The following PCDHB3 variants were observed in gnomAD, a reference collection of about 807,000 sequenced individuals.
PCDHB3 encodes protocadherin beta-3.
For missense variants in PCDHB3, 967 were observed against 1,012.1 expected, an observed-to-expected ratio of 0.96 and a Z score of 0.60; for synonymous variants, 479 against 456.0, an observed-to-expected ratio of 1.05 and a Z score of -0.64.
chr5:141,102,534 C>G lies in PCDHB3; in HGVS notation c.1885C>G (p.Leu629Val). 6.2e-7 allele frequency: 1 copy of G among 1,608,658 alleles called. No homozygotes were observed. The highest frequency in any genetic ancestry group is 8.5e-7 in the Non-Finnish European group (1 of 1,179,632). The change falls in exon 1 of 1, where the codon CTG becomes GTG. Residue 629 changes from leucine to valine, a missense_variant. Leu to Val is a conservative substitution (Grantham distance 32). Coordinates refer to ENST00000231130, the MANE Select transcript of PCDHB3 (RefSeq NM_018937.5). ...AHNGEVRTAR[L>V]LSERDAAKHR... ...CAATGGCGAAGTGCGCACCGCCAGG[C>G]TGCTGAGCGAGCGCGACGCGGCCAA...
chr5:141,101,203 G>C lies in PCDHB3; in HGVS notation c.554G>C (p.Arg185Pro), dbSNP rs566780663. 1.8e-5 allele frequency: 29 copies of C among 1,614,036 alleles called. No homozygotes were observed. Among genetic ancestry groups the C allele is most frequent in the Non-Finnish European group, 1.4e-5 (17 of 1,180,050 alleles). ...NSHFHVLTRS[R>P]RDGRKYPELV... is the part of the protein sequence containing the mutation. The stretch of plus-strand genomic sequence containing the variant: ...CACTTCCACGTACTCACTCGCAGTC[G>C]TAGGGACGGAAGGAAGTACCCGGAA... The change falls in exon 1 of 1, where the codon CGT (arginine) becomes CCT (proline). Residue 185 changes from arginine (R) to proline (P), a missense_variant. Transcript: ENST00000231130.
chr5:141,101,780 C>T lies in PCDHB3; in HGVS notation c.1131C>T (p.Asp377=). 6.2e-7 allele frequency: 1 copy of T among 1,614,100 alleles called. No homozygotes were observed. The highest frequency in any genetic ancestry group is 2.2e-5 in the East Asian group (1 of 44,856). Residue 377 remains aspartate (D), a synonymous_variant, in exon 1 of 1, where the codon GAC becomes GAT. Coordinates refer to ENST00000231130, the MANE Select transcript of PCDHB3 (RefSeq NM_018937.5). ...GTGTTTCTGATCTAGACTCTGGAGA[C>T]AACGGAAGAGTGATGTGTTCCATTG... The part of the protein sequence containing the change: ...VFSVSDLDSG[D]NGRVMCSIEN...
chr5:141,102,389 T>G lies in PCDHB3; in HGVS notation c.1740T>G (p.Ala580=). 1 of 1,570,654 alleles carries G rather than the reference T, an allele frequency of 6.4e-7. No individual in the cohort carries two copies. Among genetic ancestry groups the G allele is most frequent in the Non-Finnish European group, 8.7e-7 (1 of 1,143,382 alleles). The change falls in exon 1 of 1, where the codon GCT becomes GCG. Residue 580 remains alanine (A), a synonymous_variant. Transcript: ENST00000231130. ...GCACCGAGCTGGTGCCCCGGGCGGC[T>G]GAGCCGGGCTACCTGGTGACCAAGG... The part of the protein sequence containing the change: ...APCTELVPRA[A]EPGYLVTKVV...
In PCDHB3 at chr5:141,101,472, G is replaced by A. The variant is rs74455004; in HGVS notation, c.823G>A (p.Gly275Arg). 1.1e-4 allele frequency: 177 copies of A among 1,614,016 alleles called. No homozygotes were observed. Among genetic ancestry groups the A allele is most frequent in the Non-Finnish European group, 1.4e-4 (170 of 1,180,020 alleles). The change falls in exon 1 of 1, where the codon GGG becomes AGG. Residue 275 changes from glycine (G) to arginine (R), a missense_variant. Physicochemically the swap from Gly to Arg is moderately radical, Grantham distance 125 (BLOSUM62 -2). Transcript: ENST00000231130. Reference protein sequence around the residue: ...SASDLDTGSFGTISYAFFHAS... With the variant: ...SASDLDTGSFRTISYAFFHAS... ...TTCTGACTTAGATACAGGAAGTTTT[G>A]GGACAATATCATATGCATTTTTTCA...
Position 141,103,158 on chromosome 5 carries a change from A to G in PCDHB3, c.*118A>G. On this transcript the variant is annotated 3_prime_UTR_variant, in exon 1 of 1. Coordinates refer to ENST00000231130, the MANE Select transcript of PCDHB3 (RefSeq NM_018937.5). ...GGTTCAAGGCAAGTAGCAAGAATAG[A>G]GCAAAATATCAAATCCAGGGATGGC... 8.4e-7 allele frequency: 1 copy of G among 1,194,644 alleles called. No homozygotes were observed. The highest frequency in any genetic ancestry group is 2.4e-5 in the East Asian group (1 of 41,980). 74.0% of individuals were successfully genotyped at this position (1,194,644 alleles called of 1,614,324 possible).
In PCDHB3 at chr5:141,101,775, G is replaced by A. The variant is rs781976530; in HGVS notation, c.1126G>A (p.Gly376Arg). 3.7e-6 allele frequency: 6 copies of A among 1,613,960 alleles called. No homozygotes were observed. The highest frequency in any genetic ancestry group is 1.3e-5 in the African/African-American group (1 of 74,880). The part of the protein sequence containing the change: ...AVFSVSDLDS[G>R]DNGRVMCSIE... ...TTTCAGTGTTTCTGATCTAGACTCT[G>A]GAGACAACGGAAGAGTGATGTGTTC... The change falls in exon 1 of 1, where the codon GGA becomes AGA. Residue 376 changes from glycine to arginine, a missense_variant. By Grantham distance (125) the Gly-to-Arg change is moderately radical. Transcript: ENST00000231130.
rs1751932897 is a variant in PCDHB3 at position 141,101,251 on chromosome 5, ATCCGGAGGAGCAGCCGG to A, written c.603_619del (p.Asp201GlufsTer42). ...GAACTAGTACTGGATAAAGCGCTCG[ATCCGGAGGAGCAGCCGG>A]AACTCAGCTTAACGCTCACCGCGCT... is the stretch of plus-strand genomic sequence containing the variant. On this transcript the variant is annotated frameshift_variant, in exon 1 of 1. Coordinates refer to ENST00000231130, the MANE Select transcript of PCDHB3 (RefSeq NM_018937.5). LOFTEE classifies it low-confidence loss of function (END_TRUNC). 1 of 1,614,036 alleles carries A rather than the reference ATCCGGAGGAGCAGCCGG, an allele frequency of 6.2e-7. No homozygotes were observed. Among genetic ancestry groups the A allele is most frequent in the African/African-American group, 1.3e-5 (1 of 74,922 alleles).
In PCDHB3 at chr5:141,102,204, C is replaced by T. The variant is rs782569051; in HGVS notation, c.1555C>T (p.Leu519=). The change falls in exon 1 of 1, where the codon CTG becomes TTG. Residue 519 remains leucine (L), a synonymous_variant. Coordinates refer to ENST00000231130, the MANE Select transcript of PCDHB3 (RefSeq NM_018937.5). ...DNGHLFALRS[L]DYEALQAFEF... The stretch of plus-strand genomic sequence containing the variant: ...CGGCCACCTGTTTGCCCTCAGGTCG[C>T]TGGACTACGAGGCCCTGCAGGCGTT... 1.2e-6 allele frequency: 2 copies of T among 1,612,844 alleles called. No homozygotes were observed. The highest frequency in any genetic ancestry group is 1.7e-6 in the Non-Finnish European group (2 of 1,179,912).
At position 141,101,654 on chromosome 5, in the gene PCDHB3, C is replaced by A. The variant is rs782675484; in HGVS notation, c.1005C>A (p.Val335=). Residue 335 remains valine, a synonymous_variant, in exon 1 of 1, where the codon GTC becomes GTA. Transcript: ENST00000231130. ...GGLSGKSTVI[V]QVVDVNDNPP... ...TATCCGGAAAGTCTACAGTCATAGT[C>A]CAGGTGGTTGATGTCAACGACAACC... is the stretch of plus-strand genomic sequence containing the variant. The A allele has an allele frequency of 3.1e-6, 5 of 1,614,058 alleles. No individual in the cohort carries two copies. Among genetic ancestry groups the A allele is most frequent in the Non-Finnish European group, 3.4e-6 (4 of 1,180,036 alleles).
In PCDHB3 at chr5:141,102,674, G is replaced by A; in HGVS notation, c.2025G>A (p.Glu675=). ...CCCAGCCCTACCTGCCTCTCCCGGA[G>A]GCGGCACCGGCCCAGGCCCAGGCCG... ...GFSQPYLPLP[E]AAPAQAQADL... The change falls in exon 1 of 1, where the codon GAG becomes GAA. Residue 675 remains glutamate (E), a synonymous_variant. Coordinates refer to ENST00000231130, the MANE Select transcript of PCDHB3 (RefSeq NM_018937.5). 6.2e-7 allele frequency: 1 copy of A among 1,611,512 alleles called. No homozygotes were observed. The highest frequency in any genetic ancestry group is 8.5e-7 in the Non-Finnish European group (1 of 1,179,794).
In PCDHB3 at chr5:141,103,110, A is replaced by G. The variant is rs1295974783; in HGVS notation, c.*70A>G. 11 of 1,514,952 alleles carry G rather than the reference A, an allele frequency of 7.3e-6. No individual in the cohort carries two copies. In the African/African-American group the frequency reaches 1.3e-4, roughly 17 times the overall value. 93.8% of individuals were successfully genotyped at this position (1,514,952 alleles called of 1,614,324 possible). On this transcript the variant is annotated 3_prime_UTR_variant, in exon 1 of 1. Coordinates refer to ENST00000231130, the MANE Select transcript of PCDHB3 (RefSeq NM_018937.5). ...AAAGTCCTTTTTTACTGCTTTGTCCATTGGAGAGGTCTTTTTTGGTCTGGT... is the reference window on the plus strand; with the variant it reads ...AAAGTCCTTTTTTACTGCTTTGTCCGTTGGAGAGGTCTTTTTTGGTCTGGT...
At position 141,102,602 on chromosome 5, in the gene PCDHB3, G is replaced by T. The variant is rs782400330; in HGVS notation, c.1953G>T (p.Pro651=). The T allele has an allele frequency of 1.0e-4, 168 of 1,608,666 alleles. 1 individual carries two copies. The highest frequency in any genetic ancestry group is 2.2e-4 in the Middle Eastern group (1 of 4,502). Residue 651 remains proline (P), a synonymous_variant, in exon 1 of 1, where the codon CCG becomes CCT. Transcript: ENST00000231130. ...VVLVKDNGEP[P]RSATATLHVL... ...TGGTCAAGGACAATGGCGAGCCTCC[G>T]CGCTCGGCCACCGCCACGCTGCATG...
chr5:141,101,270 A>T lies in PCDHB3; in HGVS notation c.621A>T (p.Glu207Asp), dbSNP rs1751933896. Residue 207 changes from glutamate to aspartate, a missense_variant, in exon 1 of 1, where the codon GAA (glutamate) becomes GAT (aspartate). Glu to Asp is a conservative substitution (Grantham distance 45). Transcript: ENST00000231130. ...CGCTCGATCCGGAGGAGCAGCCGGA[A>T]CTCAGCTTAACGCTCACCGCGCTGG... ...DKALDPEEQP[E>D]LSLTLTALDG... The T allele has an allele frequency of 6.2e-7, 1 of 1,614,192 alleles. No homozygotes were observed. Among genetic ancestry groups the T allele is most frequent in the East Asian group, 2.2e-5 (1 of 44,884 alleles).
rs782758092 is a variant in PCDHB3 at position 141,102,239 on chromosome 5, C to G, written c.1590C>G (p.Arg530=). The stretch of plus-strand genomic sequence containing the variant: ...AGGCCCTGCAGGCGTTCGAGTTCCG[C>G]GTGGGCGCCACAGACCGTGGCTCCC... The part of the protein sequence containing the change: ...DYEALQAFEF[R]VGATDRGSPA... Residue 530 remains arginine (R), a synonymous_variant, in exon 1 of 1, where the codon CGC becomes CGG. Coordinates refer to ENST00000231130, the MANE Select transcript of PCDHB3 (RefSeq NM_018937.5). The G allele has an allele frequency of 1.9e-6, 3 of 1,612,356 alleles. No individual in the cohort carries two copies. The highest frequency in any genetic ancestry group is 2.5e-6 in the Non-Finnish European group (3 of 1,179,886).
Position 141,101,394 on chromosome 5 carries a change from GTTGCAGT to G in PCDHB3, c.747_753del (p.Ala250Ter). ...AGAATTTGCACAGCCGCTCTATGAG[GTTGCAGT>G]TCTAGAGAATACCCCCGTTAACTCT... On this transcript the variant is annotated frameshift_variant, in exon 1 of 1. Coordinates refer to ENST00000231130, the MANE Select transcript of PCDHB3 (RefSeq NM_018937.5). LOFTEE classifies it low-confidence loss of function (END_TRUNC). 1 of 1,614,184 alleles carries G rather than the reference GTTGCAGT, an allele frequency of 6.2e-7. No homozygotes were observed. The highest frequency in any genetic ancestry group is 8.5e-7 in the Non-Finnish European group (1 of 1,180,032).
chr5:141,102,077 A>C lies in PCDHB3; in HGVS notation c.1428A>C (p.Thr476=). 1 of 1,612,892 alleles carries C rather than the reference A, an allele frequency of 6.2e-7. No homozygotes were observed. The highest frequency in any genetic ancestry group is 8.5e-7 in the Non-Finnish European group (1 of 1,180,022). ...TGCACATCGGCAGTGTCAGCGCCAC[A>C]GACAGAGACTCAGGCACCAACGCCC... The part of the protein sequence containing the change: ...PALHIGSVSA[T]DRDSGTNAQV... Residue 476 remains threonine, a synonymous_variant, in exon 1 of 1, where the codon ACA becomes ACC. Transcript: ENST00000231130.
chr5:141,100,878 CT>C lies in PCDHB3; in HGVS notation c.230del (p.Leu77ProfsTer10). On this transcript the variant is annotated frameshift_variant, in exon 1 of 1. Coordinates refer to ENST00000231130, the MANE Select transcript of PCDHB3 (RefSeq NM_018937.5). LOFTEE classifies it low-confidence loss of function (END_TRUNC). ...VSKGNKQHFQ[L>X]SHQTGDLLLN... is the part of the protein sequence containing the mutation. ...CAAAGGGAACAAACAGCATTTTCAG[CT>C]CAGTCATCAGACAGGTGATTTGCTC... The C allele has an allele frequency of 6.2e-7, 1 of 1,614,108 alleles. No homozygotes were observed. Among genetic ancestry groups the C allele is most frequent in the East Asian group, 2.2e-5 (1 of 44,882 alleles).
chr5:141,100,727 TG>T lies in PCDHB3; in HGVS notation c.81del (p.Ser28ProfsTer17), dbSNP rs1563834274. 1 of 1,614,104 alleles carries T rather than the reference TG, an allele frequency of 6.2e-7. No individual in the cohort carries two copies. Among genetic ancestry groups the T allele is most frequent in the South Asian group, 1.1e-5 (1 of 91,078 alleles). On this transcript the variant is annotated frameshift_variant, in exon 1 of 1. Coordinates refer to ENST00000231130, the MANE Select transcript of PCDHB3 (RefSeq NM_018937.5). LOFTEE classifies it low-confidence loss of function (END_TRUNC). The part of the protein sequence containing the change: ...LFVFLGGSLA[G>X]SESRRYSVAE... ...TTGTTTTTCTGGGAGGGTCTCTGGC[TG>T]GGTCCGAGTCAAGACGCTATTCTGT...
Position 141,101,786 on chromosome 5 carries a change from A to T in PCDHB3, c.1137A>T (p.Gly379=). 6.2e-7 allele frequency: 1 copy of T among 1,614,100 alleles called. No individual in the cohort carries two copies. Among genetic ancestry groups the T allele is most frequent in the Middle Eastern group, 1.6e-4 (1 of 6,062 alleles). The part of the protein sequence containing the change: ...SVSDLDSGDN[G]RVMCSIENNL... ...CTGATCTAGACTCTGGAGACAACGG[A>T]AGAGTGATGTGTTCCATTGAGAACA... The change falls in exon 1 of 1, where the codon GGA becomes GGT. Residue 379 remains glycine (G), a synonymous_variant. Coordinates refer to ENST00000231130, the MANE Select transcript of PCDHB3 (RefSeq NM_018937.5).
Sources: allele counts gnomAD v4.1 joint callset, GRCh38; gene constraint gnomAD v4.1.1; transcripts MANE v1.5; gene names NCBI Gene and HGNC (gene_info 2026-07-23, HGNC 2026-07-21).